The following POU6F2 variants were observed in gnomAD, a reference collection of about 807,000 sequenced individuals.
POU6F2 encodes the protein POU class 6 homeobox 2.
POU6F2 carries 31 observed loss-of-function variants against 71.3 expected under a neutral mutation model. That is an observed-to-expected ratio of 0.43 (90% CI 0.33 to 0.59). The LOEUF is 0.59. Ranked by LOEUF, POU6F2 falls within the 20% of genes least tolerant of loss-of-function variation. The probability of loss-of-function intolerance (pLI) is 0.04; values close to 1 mark genes in which losing one functional copy is unlikely to be tolerated. For synonymous variants in POU6F2, 347 were observed against 355.7 expected (o/e 0.98, Z 0.27); for missense variants, 783 against 856.8 (o/e 0.91, Z 1.07).
At chr7:39,284,430 C>G (rs1395229935) in intron 4 of POU6F2, among the ~76,000 whole-genome samples, 1 of 152,132 alleles carries the variant, frequency 6.6e-6, no homozygotes, top group African/African-American at 2.4e-5. Context: ...TGTATTTTCT[C>G]CAATGAATGT....
intron 4 of POU6F2, among the ~76,000 whole-genome samples, chr7:39,290,566 T>C (rs1163041315): frequency 6.6e-6 from 1 of 152,248 alleles, no homozygotes; most frequent in East Asian, 1.9e-4. Context: ...ATAGATGTTA[T>C]ATTCAAAGTT....
chr7:39,026,715 C>A (rs1459321183), intron 1 of POU6F2, among the ~76,000 whole-genome samples: 6 of 152,078 alleles, frequency 3.9e-5, no homozygotes, highest in Admixed American at 3.9e-4. Context: ...CTAACCTGCA[C>A]ATTGTGCACA....
At chr7:39,087,554 T>C (rs1235330261) in intron 2 of POU6F2, among the ~76,000 whole-genome samples, 1 of 152,202 alleles carries the variant, frequency 6.6e-6, no homozygotes, top group African/African-American at 2.4e-5. Flanking sequence ...CTAAAACCTT[T>C]ACTTCAATTT....
intron 1 of POU6F2, among the ~76,000 whole-genome samples, chr7:39,068,360 A>G (rs1790803735): frequency 6.6e-6 from 1 of 152,138 alleles, no homozygotes; most frequent in African/African-American, 2.4e-5. Flanking sequence ...GGAAGCACAT[A>G]TTAGGCCCTT....
intron 2 of POU6F2, among the ~76,000 whole-genome samples, chr7:39,159,335 C>T (rs948746302): frequency 5.3e-5 from 8 of 152,004 alleles, no homozygotes; most frequent in African/African-American, 1.9e-4. Context: ...TTTTCTTTCT[C>T]TGTTTCTTCC....
At chr7:39,083,013 G>A (rs1791158726) in intron 1 of POU6F2, among the ~76,000 whole-genome samples, 1 of 152,158 alleles carries the variant, frequency 6.6e-6, no homozygotes, top group African/African-American at 2.4e-5. Context: ...TAAGGAAGAA[G>A]AGCTAATGGT....
intron 1 of POU6F2, among the ~76,000 whole-genome samples, chr7:39,037,564 C>T (rs1452048689): frequency 2.0e-5 from 3 of 151,958 alleles, no homozygotes; most frequent in African/African-American, 7.2e-5. Context: ...AGAAAAATCT[C>T]ACTTTCTAGT....
intron 5 of POU6F2, among the ~76,000 whole-genome samples, chr7:39,344,657 C>T (rs940610964): frequency 1.3e-5 from 2 of 152,108 alleles, no homozygotes; most frequent in African/African-American, 2.4e-5. Flanking sequence ...CCCCTCCCCC[C>T]CCAGCAATTA....
intron 1 of POU6F2, among the ~76,000 whole-genome samples, chr7:39,001,250 C>A (rs1472134370): frequency 1.4e-5 from 2 of 147,446 alleles, no homozygotes; most frequent in African/African-American, 2.7e-5. Flanking sequence ...TTGACACAGG[C>A]CATTTTGATT....
intron 1 of POU6F2, among the ~76,000 whole-genome samples, chr7:39,056,192 G>A (rs1468036433): frequency 6.6e-6 from 1 of 152,026 alleles, no homozygotes; most frequent in Non-Finnish European, 1.5e-5. Flanking sequence ...CAGAAAGTGA[G>A]ATAAAACATG....
rs763598539 is a variant in POU6F2, at chr7:39,339,676, C to T, written c.633C>T (p.Leu211=). Residue 211 remains leucine, a synonymous_variant, in exon 5 of 10, where the codon CTC becomes CTT. Coordinates refer to ENST00000518318, the MANE Select transcript of POU6F2 (RefSeq NM_001370959.1). The part of the protein sequence containing the change: ...TSSLNSQLQQ[L]QLQLQQQQQQ... ...CCCTGAACTCCCAGCTCCAGCAGCT[C>T]CAGCTCCAGCTCCAGCAGCAGCAGC... 1.3e-5 allele frequency: 21 copies of T among 1,599,358 alleles called. No individual in the cohort carries two copies. Among genetic ancestry groups the T allele is most frequent in the Non-Finnish European group, 1.7e-5 (20 of 1,176,580 alleles).
chr7:39,307,988 A>G (rs563895033), intron 4 of POU6F2, among the ~76,000 whole-genome samples: 2 of 152,242 alleles, frequency 1.3e-5, no homozygotes, highest in South Asian at 4.1e-4. Flanking sequence ...GATTTAGAAG[A>G]ATATTTCATA....
intron 4 of POU6F2, among the ~76,000 whole-genome samples, chr7:39,262,596 A>G (rs900337174): frequency 7.9e-5 from 12 of 152,252 alleles, no homozygotes; most frequent in African/African-American, 2.7e-4. Context: ...TAAGAAAAGC[A>G]TAATAATATA....
chr7:39,063,231 C>T (rs564870933), intron 1 of POU6F2, among the ~76,000 whole-genome samples: 7 of 151,810 alleles, frequency 4.6e-5, no homozygotes, highest in South Asian at 4.2e-4. Context: ...AAGAACTTAA[C>T]GGATGTGGCA....
At chr7:39,357,191 T>C (rs1293355463) in intron 5 of POU6F2, among the ~76,000 whole-genome samples, 1 of 152,216 alleles carries the variant, frequency 6.6e-6, no homozygotes, top group African/African-American at 2.4e-5. Context: ...ATTGGATGCC[T>C]GGGACTCTCA....
chr7:39,196,194 A>C (rs181035619), intron 2 of POU6F2, among the ~76,000 whole-genome samples: 1 of 152,324 alleles, frequency 6.6e-6, no homozygotes. Flanking sequence ...ACACTGTTAC[A>C]AAGGTAGATC....
chr7:39,060,093 A>G (rs1210279471), intron 1 of POU6F2, among the ~76,000 whole-genome samples: 7 of 152,116 alleles, frequency 4.6e-5, no homozygotes, highest in Non-Finnish European at 7.4e-5. Context: ...CTGTAATCCC[A>G]GCTACTCGAG....
At chr7:39,362,625 A>G (rs1786413574) in intron 5 of POU6F2, among the ~76,000 whole-genome samples, 1 of 152,220 alleles carries the variant, frequency 6.6e-6, no homozygotes, top group African/African-American at 2.4e-5. Context: ...GATGCCAAGC[A>G]CTATTCTAGG....
At chr7:39,160,031 G>T (rs1207369392) in intron 2 of POU6F2, among the ~76,000 whole-genome samples, 2 of 152,092 alleles carry the variant, frequency 1.3e-5, no homozygotes, top group Non-Finnish European at 2.9e-5. Context: ...GTCTCTGATG[G>T]TGTGGACAGA....
Sources: gnomAD v4.1 joint callset for allele counts (sites outside exome capture counted in the v4.1 genomes callset) on GRCh38, gnomAD v4.1.1 for gene constraint, MANE v1.5 for transcripts, NCBI Gene and HGNC (gene_info 2026-07-23, HGNC 2026-07-21) for gene names.